Variants in SLC5A9 observed in about 807,000 individuals in gnomAD.
The protein encoded by SLC5A9 is solute carrier family 5 member 9, also known as sodium/glucose cotransporter 4.
In SLC5A9, 59 loss-of-function variants were observed where a neutral mutation model predicts 70.9. That is an observed-to-expected ratio of 0.83 (90% CI 0.68 to 1.03). The LOEUF is 1.03. Among genes scored for constraint, SLC5A9 ranks in the 50% least tolerant of loss-of-function variants. The pLI, the probability that SLC5A9 is intolerant of heterozygous loss-of-function variation, is 0.00. For missense variants in SLC5A9, 832 were observed against 881.1 expected, an observed-to-expected ratio of 0.94 and a Z score of 0.71; for synonymous variants, 340 against 346.5, an observed-to-expected ratio of 0.98 and a Z score of 0.21.
chr1:48,239,360 G>C lies in SLC5A9; in HGVS notation c.1500G>C (p.Gly500=), dbSNP rs748689116. 6.2e-6 allele frequency: 10 copies of C among 1,613,688 alleles called. No homozygotes were observed. In the Admixed American group the frequency reaches 1.7e-4, roughly 27 times the overall value. ...FWGLVFGLGV[G]LLRMILEFSY... is the part of the protein sequence containing the mutation. ...GCCTCGTGTTTGGCCTGGGAGTGGGGCTTCTGCGTATGATCCTGGAGTTCT... is the reference window on the plus strand; with the variant it reads ...GCCTCGTGTTTGGCCTGGGAGTGGGCCTTCTGCGTATGATCCTGGAGTTCT... Residue 500 remains glycine (G), a synonymous_variant, in exon 12 of 14, where the codon GGG becomes GGC. Coordinates refer to ENST00000438567, the MANE Select transcript of SLC5A9 (RefSeq NM_001011547.3). The surrounding 1 kb of genome is among the most constrained non-coding windows in gnomAD (Gnocchi z 4.2).
intron 13 of SLC5A9, among the ~76,000 whole-genome samples, chr1:48,245,403 T>A (rs1309452526): frequency 6.6e-6 from 1 of 151,950 alleles, no homozygotes; most frequent in Non-Finnish European, 1.5e-5. Flanking sequence ...CCAAGAGAAA[T>A]GCCTGCTCCC....
intron 10 of SLC5A9, among the ~76,000 whole-genome samples, 164 bp downstream of exon 10, chr1:48,236,043 C>A (rs1383300493): frequency 6.6e-6 from 1 of 152,166 alleles, no homozygotes; most frequent in Admixed American, 6.5e-5. Context: ...CTTCGCCAAC[C>A]CTGGACCACT....
chr1:48,244,878 G>GTATGTATA (rs1553132215), intron 13 of SLC5A9, among the ~76,000 whole-genome samples: 581 of 29,402 alleles, frequency 0.02, 117 homozygotes, highest in African/African-American at 0.047. Flanking sequence ...ATGTGTATGT[G>GTATGTATA]TATATATATA....
Position 48,231,976 on chromosome 1 carries a change from T to C in SLC5A9, c.722T>C (p.Leu241Pro). 2 of 1,614,146 alleles carry C rather than the reference T, an allele frequency of 1.2e-6. No homozygotes were observed. Among genetic ancestry groups the C allele is most frequent in the Non-Finnish European group, 1.7e-6 (2 of 1,180,034 alleles). The stretch of plus-strand genomic sequence containing the variant: ...CAGGACGTGGGCTGGTACCCAGGCC[T>C]GGAGCAGCGGTACAGGCAGGCCATC... ...GFQDVGWYPG[L>P]EQRYRQAIPN... The change falls in exon 7 of 14, where the codon CTG (leucine) becomes CCG (proline). Residue 241 changes from leucine (L) to proline (P), a missense_variant. Physicochemically the swap from Leu to Pro is moderately conservative, Grantham distance 98 (BLOSUM62 -3). Coordinates refer to ENST00000438567, the MANE Select transcript of SLC5A9 (RefSeq NM_001011547.3).
At position 48,247,521 on chromosome 1, in the gene SLC5A9, T is replaced by C; in HGVS notation, c.2024T>C (p.Phe675Ser). 1 of 1,614,140 alleles carries C rather than the reference T, an allele frequency of 6.2e-7. No individual in the cohort carries two copies. Among genetic ancestry groups the C allele is most frequent in the Non-Finnish European group, 8.5e-7 (1 of 1,180,028 alleles). Residue 675 changes from phenylalanine to serine, a missense_variant, in exon 14 of 14, where the codon TTC (phenylalanine) becomes TCC (serine). Transcript: ENST00000438567. ...NAVLLLAINI[F>S]LWGYFA is the part of the protein sequence containing the mutation. ...GTCCTTTTGCTGGCCATCAACATCT[T>C]CCTCTGGGGCTATTTTGCGTGATTC...
intron 13 of SLC5A9, among the ~76,000 whole-genome samples, chr1:48,245,249 G>C (rs1459309296): frequency 2.6e-5 from 4 of 151,976 alleles, no homozygotes; most frequent in Non-Finnish European, 5.9e-5. Context: ...TGCAAAGGAA[G>C]TTCCCAAAGA....
rs139285576 is a variant in SLC5A9, at chr1:48,233,680, T to C, written c.1059T>C (p.Asp353=). ...ACGAGGTGGGCTGCGTGGACCCTGA[T>C]GTCTGCCAAAGAATCTGTGGGGCCC... is the stretch of plus-strand genomic sequence containing the variant. ...FPDEVGCVDP[D]VCQRICGARV... is the part of the protein sequence containing the mutation. Residue 353 remains aspartate (D), a synonymous_variant, in exon 9 of 14, where the codon GAT becomes GAC. Transcript: ENST00000438567. 16 of 1,613,970 alleles carry C rather than the reference T, an allele frequency of 9.9e-6. No individual in the cohort carries two copies. The African/African-American group carries it at 2.1e-4, about 22-fold the overall frequency.
intron 5 of SLC5A9, among the ~76,000 whole-genome samples, chr1:48,231,027 G>T (rs1644240683): frequency 6.6e-6 from 1 of 152,146 alleles, no homozygotes; most frequent in Non-Finnish European, 1.5e-5. Context: ...TGGGGAGCAG[G>T]GTAGAGAGGA....
At chr1:48,237,976 TC>T in intron 11 of SLC5A9, 129 bp downstream of exon 11, 3 of 930,516 alleles carry the variant, frequency 3.2e-6, no homozygotes, top group Non-Finnish European at 3.2e-6. Context: ...GACCACAGCA[TC>T]CAGCCTAGAT....
chr1:48,232,525 G>A, intron 8 of SLC5A9, 23 bp downstream of exon 8: 1 of 1,613,390 alleles, frequency 6.2e-7, no homozygotes, highest in Admixed American at 1.7e-5. Context: ...CTTGCTCTCT[G>A]GGTATTGGGA....
chr1:48,235,686 C>G, intron 9 of SLC5A9, 43 bp from the exon 10 acceptor site: 2 of 1,611,716 alleles, frequency 1.2e-6, no homozygotes, highest in Non-Finnish European at 1.7e-6. Flanking sequence ...GAAGAGCCGG[C>G]CTTAATGGGC....
chr1:48,224,878 T>C (rs1414327854), intron 2 of SLC5A9, 83 bp downstream of exon 2: 2 of 1,346,768 alleles, frequency 1.5e-6, no homozygotes, highest in Non-Finnish European at 2.1e-6. Context: ...TGTCCCATCT[T>C]CTCACACCTG....
chr1:48,235,179 C>G (rs1448634482), intron 9 of SLC5A9, among the ~76,000 whole-genome samples: 1 of 152,062 alleles, frequency 6.6e-6, no homozygotes, highest in Non-Finnish European at 1.5e-5. Flanking sequence ...AGGAGCTAGT[C>G]CAAGGATCAT....
At chr1:48,236,008 C>A (rs999481684) in intron 10 of SLC5A9, 129 bp downstream of exon 10, 2 of 1,031,728 alleles carry the variant, frequency 1.9e-6, no homozygotes, top group Non-Finnish European at 2.8e-6. Flanking sequence ...CAAGCTCCAG[C>A]TCTCCACATG....
Position 48,247,388 on chromosome 1 carries a change from G to A in SLC5A9, c.1891G>A (p.Gly631Arg), listed in dbSNP as rs773702431. Residue 631 changes from glycine to arginine, a missense_variant, in exon 14 of 14, where the codon GGA becomes AGA. Gly to Arg is a moderately radical substitution (Grantham distance 125). Transcript: ENST00000438567. The part of the protein sequence containing the change: ...LLWSWFCGLS[G>R]TPEQALSPAE... ...CTGGAGCTGGTTCTGTGGGCTCTCT[G>A]GAACACCGGAGCAGGCCCTGAGCCC... 6.2e-7 allele frequency: 1 copy of A among 1,614,102 alleles called. No homozygotes were observed. The highest frequency in any genetic ancestry group is 8.5e-7 in the Non-Finnish European group (1 of 1,180,024).
chr1:48,230,827 G>A (rs1438047587), intron 5 of SLC5A9, 122 bp downstream of exon 5: 4 of 700,688 alleles, frequency 5.7e-6, no homozygotes, highest in Non-Finnish European at 7.3e-6. Context: ...TGACAGAGAG[G>A]AGAAACAGGA....
intron 10 of SLC5A9, 135 bp downstream of exon 10, chr1:48,236,014 A>C: frequency 2.0e-6 from 2 of 979,794 alleles, no homozygotes; most frequent in Non-Finnish European, 3.0e-6. Context: ...CCAGCTCTCC[A>C]CATGATTTCA....
chr1:48,234,833 G>A (rs563631058), intron 9 of SLC5A9, among the ~76,000 whole-genome samples: 1 of 152,226 alleles, frequency 6.6e-6, no homozygotes, highest in East Asian at 1.9e-4. Flanking sequence ...GGGGAGCAGA[G>A]CAAGGGTCTC....
intron 1 of SLC5A9, among the ~76,000 whole-genome samples, chr1:48,224,020 A>G (rs1271187084): frequency 6.6e-6 from 1 of 152,202 alleles, no homozygotes; most frequent in African/African-American, 2.4e-5. Context: ...GTGACTGATT[A>G]TTTTCCCTTA....
Sources: allele counts gnomAD v4.1 joint callset (sites outside exome capture counted in the v4.1 genomes callset), GRCh38; gene constraint gnomAD v4.1.1; non-coding constraint Gnocchi (gnomAD v3.1); transcripts MANE v1.5; gene names NCBI Gene and HGNC (gene_info 2026-07-23, HGNC 2026-07-21).